SRPK2: variants seen among roughly 807,000 people sequenced by gnomAD.
The protein encoded by SRPK2 is SFRS protein kinase 2.
Under a neutral mutation model 90.8 loss-of-function variants are expected in SRPK2, and 21 were observed. That is an observed-to-expected ratio of 0.23 (90% CI 0.16 to 0.33). The LOEUF (loss-of-function observed/expected upper bound fraction) is 0.33. SRPK2 is among the 10% of genes least tolerant of loss of function. The probability of loss-of-function intolerance (pLI) is 1.00; values close to 1 mark genes in which losing one functional copy is unlikely to be tolerated. For missense variants in SRPK2, 620 were observed against 869.0 expected, an observed-to-expected ratio of 0.71 and a Z score of 3.60; for synonymous variants, 288 against 311.1, an observed-to-expected ratio of 0.93 and a Z score of 0.78.
At chr7:105,396,686 T>TAGGAGGAGAAGGAGG (rs1822331147) in intron 1 of SRPK2, among the ~76,000 whole-genome samples, 1 of 112,936 alleles carries the variant, frequency 8.9e-6, no homozygotes, top group Non-Finnish European at 1.7e-5. Flanking sequence ...AGAAGAATAG[T>TAGGAGGAGAAGGAGG]AGGAGGAGAA....
At chr7:105,258,417 CAAAAAAAAA>C (rs33941320) in intron 2 of SRPK2, among the ~76,000 whole-genome samples, 2 of 121,614 alleles carry the variant, frequency 1.6e-5, no homozygotes, top group Non-Finnish European at 3.3e-5. Flanking sequence ...AACTCGGTCT[CAAAAAAAAA>C]AAAAAAAAAG....
At chr7:105,311,993 A>G (rs1358076875) in intron 2 of SRPK2, among the ~76,000 whole-genome samples, 2 of 152,260 alleles carry the variant, frequency 1.3e-5, no homozygotes, top group African/African-American at 4.8e-5. Context: ...TGTGGTACAT[A>G]TATACAATGT....
intron 11 of SRPK2, among the ~76,000 whole-genome samples, chr7:105,137,559 G>A (rs1170579201): frequency 1.3e-5 from 2 of 152,154 alleles, no homozygotes; most frequent in Non-Finnish European, 2.9e-5. Context: ...TCCAGAAATA[G>A]CCCACAGGTA....
rs541492047 is a variant in SRPK2, at chr7:105,122,263, G to C, written c.1915+3985C>G. Among the ~76,000 whole-genome samples, 3 of 152,258 alleles carry C rather than the reference G, an allele frequency of 2.0e-5. No individual in the cohort carries two copies. The South Asian group carries it at 6.2e-4, about 32-fold the overall frequency. On this transcript the variant is annotated intron_variant, in intron 15 of 15. Transcript: ENST00000393651. ...TGATTTATTAGATGTGACATCAAAA[G>C]CACAAATTGTAAAATGTATATAAAT...
At chr7:105,229,580 C>T (rs1248757400) in intron 2 of SRPK2, among the ~76,000 whole-genome samples, 3 of 152,142 alleles carry the variant, frequency 2.0e-5, no homozygotes, top group African/African-American at 4.8e-5. Flanking sequence ...GGTATCTCTC[C>T]CTCTCCTTCC....
intron 6 of SRPK2, among the ~76,000 whole-genome samples, chr7:105,162,453 C>T (rs1807820700): frequency 6.6e-6 from 1 of 152,048 alleles, no homozygotes; most frequent in African/African-American, 2.4e-5. Flanking sequence ...GGCTCTGAAA[C>T]CCTTTGAGAA....
intron 3 of SRPK2, among the ~76,000 whole-genome samples, chr7:105,179,911 A>C (rs963887705): frequency 2.0e-5 from 3 of 152,056 alleles, no homozygotes; most frequent in Non-Finnish European, 4.4e-5. Context: ...TAAGAATTAC[A>C]AAACACTCTC....
chr7:105,208,676 A>C (rs1796497298), intron 2 of SRPK2, among the ~76,000 whole-genome samples: 1 of 152,236 alleles, frequency 6.6e-6, no homozygotes, highest in Non-Finnish European at 1.5e-5. Context: ...ACTGACTGCT[A>C]GTAGATATGG....
intron 2 of SRPK2, among the ~76,000 whole-genome samples, chr7:105,336,058 GA>G (rs1445036054): frequency 2.0e-5 from 3 of 151,596 alleles, no homozygotes; most frequent in East Asian, 1.9e-4. Flanking sequence ...GTTTATTTAT[GA>G]AAAAAATCAA....
At chr7:105,235,946 T>C (rs113217943) in intron 2 of SRPK2, among the ~76,000 whole-genome samples, 1 of 152,222 alleles carries the variant, frequency 6.6e-6, no homozygotes. Context: ...GCAGTACTTC[T>C]ATACTAACAT....
At chr7:105,239,342 ATTCC>A (rs928449850) in intron 2 of SRPK2, among the ~76,000 whole-genome samples, 16 of 152,348 alleles carry the variant, frequency 1.1e-4, no homozygotes, top group African/African-American at 3.8e-4. Context: ...TATAGATAGC[ATTCC>A]TTCCTTCCTA....
chr7:105,171,335 T>C (rs1407811272), intron 3 of SRPK2, among the ~76,000 whole-genome samples: 2 of 152,270 alleles, frequency 1.3e-5, no homozygotes, highest in East Asian at 3.8e-4. Context: ...TCTCTTTATC[T>C]ACATTTTATT....
At chr7:105,307,008 C>T (rs184677921) in intron 2 of SRPK2, among the ~76,000 whole-genome samples, 1 of 152,186 alleles carries the variant, frequency 6.6e-6, no homozygotes. Flanking sequence ...AAGAAAGAGA[C>T]CGAATAGCAG....
intron 11 of SRPK2, among the ~76,000 whole-genome samples, chr7:105,136,661 A>G (rs141602898): frequency 1.3e-3 from 201 of 152,330 alleles, no homozygotes; most frequent in African/African-American, 4.6e-3. Context: ...ATAATGAGAC[A>G]GCTGCTGTCA....
In SRPK2 at chr7:105,260,588, G is replaced by A. The variant is rs535201889; in HGVS notation, c.72-56803C>T. On this transcript the variant is annotated intron_variant, in intron 2 of 15. Coordinates refer to ENST00000393651, the MANE Select transcript of SRPK2 (RefSeq NM_182692.3). ...GCTATAAAGACACATGCACACCTAT[G>A]TTTATTGTGGCACTATTCACAATAG... is the stretch of plus-strand genomic sequence containing the variant. 2.1e-3 allele frequency among the ~76,000 whole-genome samples: 323 copies of A among 152,266 alleles called. 1 individual carries two copies. Among genetic ancestry groups the A allele is most frequent in the South Asian group, 7.0e-3 (34 of 4,828 alleles).
intron 3 of SRPK2, among the ~76,000 whole-genome samples, chr7:105,192,837 T>C (rs960425733): frequency 4.6e-5 from 7 of 152,240 alleles, no homozygotes; most frequent in African/African-American, 1.7e-4. Context: ...TGGCCATCTG[T>C]ATATCTTCTT....
intron 2 of SRPK2, among the ~76,000 whole-genome samples, chr7:105,220,216 C>T (rs1459793981): frequency 6.6e-6 from 1 of 152,082 alleles, no homozygotes; most frequent in Non-Finnish European, 1.5e-5. Flanking sequence ...TTTGTTTTTC[C>T]TAATTCTTAG....
At chr7:105,292,217 G>C (rs1005031257) in intron 2 of SRPK2, among the ~76,000 whole-genome samples, 1 of 152,122 alleles carries the variant, frequency 6.6e-6, no homozygotes, top group Admixed American at 6.6e-5. Context: ...TGGTTAAAAA[G>C]TAAATTAGGC....
At chr7:105,354,307 T>C (rs929796528) in intron 2 of SRPK2, among the ~76,000 whole-genome samples, 3 of 152,248 alleles carry the variant, frequency 2.0e-5, no homozygotes, top group Admixed American at 1.3e-4. Context: ...TCCTTAAGAC[T>C]CACCACCTGG....
Sources: gnomAD v4.1 joint callset for allele counts (sites outside exome capture counted in the v4.1 genomes callset) on GRCh38, gnomAD v4.1.1 for gene constraint, MANE v1.5 for transcripts, NCBI Gene and HGNC (gene_info 2026-07-23, HGNC 2026-07-21) for gene names.